Variants in CLCN6 observed in about 807,000 individuals in gnomAD.
CLCN6 encodes H(+)/Cl(-) exchange transporter 6.
A neutral mutation model predicts 109.8 loss-of-function variants in CLCN6; 70 were observed. That is an observed-to-expected ratio of 0.64 (90% CI 0.53 to 0.78). The LOEUF is 0.78. CLCN6 is among the 30% of genes least tolerant of loss of function. The pLI, the probability that CLCN6 is intolerant of heterozygous loss-of-function variation, is 0.00. For synonymous variants in CLCN6, 444 were observed against 447.8 expected (o/e 0.99, Z 0.11); for missense variants, 984 against 1,142.3 (o/e 0.86, Z 2.00).
intron 2 of CLCN6, among the ~76,000 whole-genome samples, chr1:11,811,130 G>C (rs1316718240): frequency 6.6e-6 from 1 of 152,060 alleles, no homozygotes; most frequent in African/African-American, 2.4e-5. Context: ...TGAATTGCTT[G>C]AGCCCAGGAG....
chr1:11,833,886 G>A lies in CLCN6; in HGVS notation c.1382G>A (p.Ser461Asn), dbSNP rs1570538265. The change falls in exon 15 of 23, where the codon AGC becomes AAC. Residue 461 changes from serine to asparagine, a missense_variant. Ser to Asn is a conservative substitution (Grantham distance 46). Transcript: ENST00000346436. The part of the protein sequence containing the change: ...LQLFHQDGTF[S>N]PVTLALFFVL... ...GGCTCTTCCCTTGCAGGTACTTTCA[G>A]CCCCGTCACTCTGGCCTTGTTCTTC... 1 of 1,610,562 alleles carries A rather than the reference G, an allele frequency of 6.2e-7. No homozygotes were observed. Among genetic ancestry groups the A allele is most frequent in the Non-Finnish European group, 8.5e-7 (1 of 1,178,612 alleles).
At chr1:11,812,927 A>G (rs72640249) in intron 2 of CLCN6, among the ~76,000 whole-genome samples, 15,030 of 152,134 alleles carry the variant, frequency 0.099, 798 homozygotes, top group South Asian at 0.16. Context: ...CTCATCTTAC[A>G]GAGGAGACTG....
At chr1:11,832,436 C>G (rs968632498) in intron 13 of CLCN6, among the ~76,000 whole-genome samples, 1 of 152,244 alleles carries the variant, frequency 6.6e-6, no homozygotes, top group African/African-American at 2.4e-5. Flanking sequence ...GTTTGGGAAA[C>G]ACTGCATGTG....
chr1:11,838,866 T>G (rs771724234), intron 22 of CLCN6: 1 of 760,732 alleles, frequency 1.3e-6, no homozygotes, highest in South Asian at 1.4e-5. Context: ...AGCGTCCCAC[T>G]GGCCGTCCTT....
intron 2 of CLCN6, among the ~76,000 whole-genome samples, chr1:11,814,798 T>C (rs149393118): frequency 0.099 from 15,023 of 151,806 alleles, 784 homozygotes; most frequent in South Asian, 0.16. Context: ...TTTGGGAGGC[T>C]GAGGAGGGCG....
chr1:11,836,850 C>T lies in CLCN6; in HGVS notation c.1981-149C>T, dbSNP rs557873723. On this transcript the variant is annotated intron_variant, in intron 18 of 22. Coordinates refer to ENST00000346436, the MANE Select transcript of CLCN6 (RefSeq NM_001286.5). ...GGTTCAGGCTCATTTGAACCACCAGCCTGAGCCACTCTTTTGAACCTCAGC... is the reference window on the plus strand; with the variant it reads ...GGTTCAGGCTCATTTGAACCACCAGTCTGAGCCACTCTTTTGAACCTCAGC... 1.2e-4 allele frequency: 100 copies of T among 846,866 alleles called. 1 individual carries two copies. The African/African-American group carries it at 1.6e-3, about 13-fold the overall frequency. The allele number at this position is 846,866 out of a possible 1,614,324, so 52.5% of individuals were successfully genotyped here.
intron 13 of CLCN6, among the ~76,000 whole-genome samples, chr1:11,832,042 T>C (rs1393149370): frequency 6.6e-6 from 1 of 152,246 alleles, no homozygotes; most frequent in Non-Finnish European, 1.5e-5. Context: ...GTCTTTATTG[T>C]GTACCAGATA....
intron 2 of CLCN6, among the ~76,000 whole-genome samples, chr1:11,810,922 TAGC>T (rs1454082514): frequency 6.6e-6 from 1 of 152,094 alleles, no homozygotes; most frequent in Non-Finnish European, 1.5e-5. Flanking sequence ...TGTTCAAAAT[TAGC>T]AGGGGGCCGG....
chr1:11,833,472 A>C lies in CLCN6; in HGVS notation c.1249-43A>C. 4 of 1,607,454 alleles carry C rather than the reference A, an allele frequency of 2.5e-6. No homozygotes were observed. In the South Asian group the frequency reaches 4.4e-5, roughly 18 times the overall value. On this transcript the variant is annotated intron_variant, in intron 13 of 22. Coordinates refer to ENST00000346436, the MANE Select transcript of CLCN6 (RefSeq NM_001286.5). ...GGAGACATCCCACTTGAAGACTCAA[A>C]GTCAGGTGTCCTTGTACTGATTTTC...
chr1:11,833,487 T>C (rs369116485), intron 13 of CLCN6, 28 bp from the exon 14 acceptor site: 8 of 1,612,242 alleles, frequency 5.0e-6, no homozygotes, highest in Non-Finnish European at 6.8e-6. Context: ...GGTGTCCTTG[T>C]ACTGATTTTC....
At chr1:11,815,749 C>G (rs1280096404) in intron 2 of CLCN6, 97 bp from the exon 3 acceptor site, 12 of 884,238 alleles carry the variant, frequency 1.4e-5, no homozygotes, top group Admixed American at 3.9e-5. Context: ...CACTGCTCTG[C>G]CCATCCACAC....
chr1:11,827,336 A>G (rs1324256827), intron 10 of CLCN6, 115 bp downstream of exon 10: 2 of 1,112,956 alleles, frequency 1.8e-6, no homozygotes, highest in African/African-American at 3.2e-5. Context: ...ACTGGATCAG[A>G]AACAGCTTTC....
chr1:11,813,490 A>C (rs113652942), intron 2 of CLCN6, among the ~76,000 whole-genome samples: 5,880 of 151,480 alleles, frequency 0.039, 344 homozygotes, highest in African/African-American at 0.13. Context: ...TCCTGGGTTC[A>C]AGCGATTCTC....
chr1:11,812,971 CTG>C (rs1448602834), intron 2 of CLCN6, among the ~76,000 whole-genome samples: 5 of 152,170 alleles, frequency 3.3e-5, no homozygotes, highest in African/African-American at 4.8e-5. Flanking sequence ...CCTGGACAAA[CTG>C]TCCCAACCGT....
chr1:11,819,529 A>T lies in CLCN6; in HGVS notation c.321A>T (p.Gln107His), dbSNP rs140118680. ...ACTTTTTTGTGCGACTCTTCACCCA[A>T]CTCAAGTTCGGAGTGGTACAGACAT... ...FVDFFVRLFT[Q>H]LKFGVVQTSV... The change falls in exon 5 of 23, where the codon CAA becomes CAT. Residue 107 changes from glutamine (Q) to histidine (H), a missense_variant. Coordinates refer to ENST00000346436, the MANE Select transcript of CLCN6 (RefSeq NM_001286.5). 6.2e-7 allele frequency: 1 copy of T among 1,614,126 alleles called. No individual in the cohort carries two copies. The highest frequency in any genetic ancestry group is 8.5e-7 in the Non-Finnish European group (1 of 1,180,026).
intron 10 of CLCN6, among the ~76,000 whole-genome samples, chr1:11,827,712 T>A (rs1644831443): frequency 6.6e-6 from 1 of 152,212 alleles, no homozygotes; most frequent in Admixed American, 6.5e-5. Context: ...GGCCTTGTTA[T>A]CCTTTCTTGA....
Position 11,815,982 on chromosome 1 carries a change from G to A in CLCN6, c.213+71G>A, listed in dbSNP as rs1395059249. The stretch of plus-strand genomic sequence containing the variant: ...CATGGCATTTTTTTTCTCTTCTAAA[G>A]GCCCCAGTAAACATCTTTACACCTT... On this transcript the variant is annotated intron_variant, in intron 3 of 22. Transcript: ENST00000346436. The A allele has an allele frequency of 2.6e-6, 3 of 1,161,096 alleles. No homozygotes were observed. In the African/African-American group the frequency reaches 4.6e-5, roughly 18 times the overall value. 71.9% of individuals were successfully genotyped at this position (1,161,096 alleles called of 1,614,324 possible).
chr1:11,838,934 A>G (rs1419768385), intron 22 of CLCN6: 10 of 716,190 alleles, frequency 1.4e-5, no homozygotes, highest in Non-Finnish European at 2.3e-5. Context: ...GTTGCTCTTC[A>G]CTCCGTACCA....
Position 11,815,920 on chromosome 1 carries a change from T to TA in CLCN6, c.213+10dup, listed in dbSNP as rs762112911. ...AGACCATGGATAATAAGGTGGGTCT[T>TA]ACAATTCTTCATCTCTGGGGATCAA... On this transcript the variant is annotated intron_variant, in intron 3 of 22. Coordinates refer to ENST00000346436, the MANE Select transcript of CLCN6 (RefSeq NM_001286.5). 13 of 1,600,336 alleles carry TA rather than the reference T, an allele frequency of 8.1e-6. No individual in the cohort carries two copies. The highest frequency in any genetic ancestry group is 7.7e-5 in the South Asian group (7 of 90,788).
Sources: allele counts gnomAD v4.1 joint callset (sites outside exome capture counted in the v4.1 genomes callset), GRCh38; gene constraint gnomAD v4.1.1; transcripts MANE v1.5; gene names NCBI Gene and HGNC (gene_info 2026-07-23, HGNC 2026-07-21).